The following RILPL2 variants were observed in gnomAD, a reference collection of about 807,000 sequenced individuals.
RILPL2 encodes the protein Rab interacting lysosomal protein like 2, also known as RILP-like protein 2.
In RILPL2, 19 loss-of-function variants were observed where a neutral mutation model predicts 22.2. The ratio of observed to expected loss-of-function variants is 0.86; its 90% CI spans 0.60 to 1.25. RILPL2 has a LOEUF of 1.25. Ranked by LOEUF, RILPL2 falls within the 50% of genes most tolerant of loss-of-function variation. The pLI, the probability that RILPL2 is intolerant of heterozygous loss-of-function variation, is 0.00. For synonymous variants in RILPL2, 123 were observed against 111.6 expected, an observed-to-expected ratio of 1.10 and a Z score of -0.64; for missense variants, 243 against 263.6, an observed-to-expected ratio of 0.92 and a Z score of 0.54.
chr12:123,426,953 A>C (rs1255028833), intron 2 of RILPL2, among the ~76,000 whole-genome samples: 23 of 132,414 alleles, frequency 1.7e-4, no homozygotes, highest in African/African-American at 6.6e-4. Context: ...ATCAGATCTC[A>C]CTGTGTTGCC....
At position 123,415,424 on chromosome 12, in the gene RILPL2, C is replaced by G. The variant is rs1262437095; in HGVS notation, c.*467G>C. ...AAATCATTTTACTTTAATACAAAAT[C>G]ACATAAAGAAAGGCATGTTGGCTAA... On this transcript the variant is annotated 3_prime_UTR_variant, in exon 4 of 4. Coordinates refer to ENST00000280571, the MANE Select transcript of RILPL2 (RefSeq NM_145058.3). 5.9e-6 allele frequency: 1 copy of G among 169,954 alleles called. No individual in the cohort carries two copies. Among genetic ancestry groups the G allele is most frequent in the Non-Finnish European group, 1.3e-5 (1 of 78,396 alleles). 10.5% of individuals were successfully genotyped at this position (169,954 alleles called of 1,614,324 possible).
At position 123,423,202 on chromosome 12, in the gene RILPL2, C is replaced by CT. The variant is rs1555259803; in HGVS notation, c.492-46_492-45insA. 5.4e-4 allele frequency: 464 copies of CT among 862,586 alleles called. 3 individuals carry two copies. In the East Asian group the frequency reaches 8.8e-3, roughly 16 times the overall value. The allele number at this position is 862,586 out of a possible 1,614,324, so 53.4% of individuals were successfully genotyped here. ...ATAAATGGATTATTTTATTACAGATCGTTTTTTTTTTTTTTTTGAGTTGGA... is the reference window on the plus strand; with the variant it reads ...ATAAATGGATTATTTTATTACAGATCTGTTTTTTTTTTTTTTTTGAGTTGGA... On this transcript the variant is annotated intron_variant, in intron 2 of 3. Coordinates refer to ENST00000280571, the MANE Select transcript of RILPL2 (RefSeq NM_145058.3).
At position 123,415,812 on chromosome 12, in the gene RILPL2, A is replaced by C; in HGVS notation, c.*79T>G. The C allele has an allele frequency of 7.3e-7, 1 of 1,360,984 alleles. No homozygotes were observed. Among genetic ancestry groups the C allele is most frequent in the South Asian group, 1.2e-5 (1 of 86,030 alleles). 84.3% of individuals were successfully genotyped at this position (1,360,984 alleles called of 1,614,324 possible). A position where few individuals can be genotyped will look rare whatever the true frequency, so the allele number is the denominator to read the frequency against. ...CACAGGCCTAGTGTGTCTGTGTGGC[A>C]CAGGGAGGTGGTTTTGCCAGGCATC... On this transcript the variant is annotated 3_prime_UTR_variant, in exon 4 of 4. Transcript: ENST00000280571.
intron 3 of RILPL2, among the ~76,000 whole-genome samples, chr12:123,421,114 C>T (rs1218278873): frequency 1.3e-5 from 2 of 151,624 alleles, no homozygotes; most frequent in Non-Finnish European, 2.9e-5. Flanking sequence ...ACCATCTCGG[C>T]TCACCTCAAC....
At position 123,430,585 on chromosome 12, in the gene RILPL2, T is replaced by G; in HGVS notation, c.414A>C (p.Leu138=). Residue 138 remains leucine (L), a synonymous_variant, in exon 2 of 4, where the codon CTA becomes CTC. Coordinates refer to ENST00000280571, the MANE Select transcript of RILPL2 (RefSeq NM_145058.3). ...TGTTGCGTTCCTGCAGCACATCCCT[T>G]AGCTCCTGCAGAGTGAAGCGGGGTC... ...PNRPRFTLQE[L]RDVLQERNKL... 6.2e-7 allele frequency: 1 copy of G among 1,612,994 alleles called. No homozygotes were observed. The highest frequency in any genetic ancestry group is 8.5e-7 in the Non-Finnish European group (1 of 1,179,266).
intron 1 of RILPL2, among the ~76,000 whole-genome samples, chr12:123,431,467 C>T (rs1010235886): frequency 6.6e-6 from 1 of 151,976 alleles, no homozygotes; most frequent in African/African-American, 2.4e-5. Context: ...GTTCTGGAGA[C>T]GGATGGTGGT....
In RILPL2 at chr12:123,436,642, C is replaced by G. The variant is rs1879816584; in HGVS notation, c.-222G>C. ...CCGCTGCCAGCCACGCTGGAGAGTG[C>G]GCTCCAGGATGTGGTTTGGGGCGCG... On this transcript the variant is annotated 5_prime_UTR_variant, in exon 1 of 4. Transcript: ENST00000280571. This position sits in a 1 kb window ranked among gnomAD's most constrained non-coding sequence, Gnocchi z 6.7. The G allele has an allele frequency of 8.4e-6, 6 of 711,812 alleles. No individual in the cohort carries two copies. The South Asian group carries it at 1.0e-4, about 12-fold the overall frequency. 44.1% of individuals were successfully genotyped at this position (711,812 alleles called of 1,614,324 possible). A position where few individuals can be genotyped will look rare whatever the true frequency, so the allele number is the denominator to read the frequency against.
chr12:123,427,180 T>C (rs1054518381), intron 2 of RILPL2, among the ~76,000 whole-genome samples: 2 of 152,152 alleles, frequency 1.3e-5, no homozygotes, highest in East Asian at 1.9e-4. Context: ...CAGTGGGCCA[T>C]TGGCGGAGGG....
At chr12:123,425,248 C>G (rs948778765) in intron 2 of RILPL2, among the ~76,000 whole-genome samples, 1 of 151,982 alleles carries the variant, frequency 6.6e-6, no homozygotes, top group African/African-American at 2.4e-5. Context: ...GCAATCTCAA[C>G]TTGCTGCAAC....
intron 2 of RILPL2, among the ~76,000 whole-genome samples, chr12:123,427,029 C>T (rs1416740927): frequency 6.6e-6 from 1 of 151,430 alleles, no homozygotes; most frequent in Non-Finnish European, 1.5e-5. Flanking sequence ...AATTCCTAGT[C>T]TCGTGGGATC....
chr12:123,436,050 C>T lies in RILPL2; in HGVS notation c.339+32G>A, dbSNP rs1221875934. 2 of 1,546,164 alleles carry T rather than the reference C, an allele frequency of 1.3e-6. No homozygotes were observed. The highest frequency in any genetic ancestry group is 1.2e-5 in the South Asian group (1 of 84,664). ...GTGCCCTCCTACGCCCCGCAGGCGC[C>T]GTGGGCCCGGAACCCTCGCTCCCAC... On this transcript the variant is annotated intron_variant, in intron 1 of 3. Coordinates refer to ENST00000280571, the MANE Select transcript of RILPL2 (RefSeq NM_145058.3). This position sits in a 1 kb window ranked among gnomAD's most constrained non-coding sequence, Gnocchi z 6.7.
chr12:123,435,711 C>G (rs1290122327), intron 1 of RILPL2, among the ~76,000 whole-genome samples: 1 of 152,106 alleles, frequency 6.6e-6, no homozygotes, highest in African/African-American at 2.4e-5. Context: ...TGCACTCTAG[C>G]CTGGGAGATA....
At chr12:123,431,654 T>A (rs1879654813) in intron 1 of RILPL2, among the ~76,000 whole-genome samples, 1 of 151,698 alleles carries the variant, frequency 6.6e-6, no homozygotes, top group Admixed American at 6.6e-5. Flanking sequence ...AAACCCCGTC[T>A]CTACTAAAAA....
At chr12:123,417,070 G>T (rs182830382) in intron 3 of RILPL2, among the ~76,000 whole-genome samples, 1 of 152,070 alleles carries the variant, frequency 6.6e-6, no homozygotes, top group Non-Finnish European at 1.5e-5. Context: ...AGGCTGAGGC[G>T]GGCGGATTGC....
At chr12:123,410,996 T>G (rs1165872376), downstream of RILPL2, 4 of 152,182 alleles carry the variant, frequency 2.6e-5, no homozygotes, top group African/African-American at 9.7e-5. Flanking sequence ...GGGCTGTGAT[T>G]ACAGGCATGC....
intron 2 of RILPL2, among the ~76,000 whole-genome samples, chr12:123,427,834 C>T (rs914259201): frequency 1.2e-4 from 19 of 152,164 alleles, no homozygotes; most frequent in Non-Finnish European, 2.6e-4. Context: ...TGTGAGCCAC[C>T]TCAACCAGCT....
chr12:123,415,963 C>T lies in RILPL2; in HGVS notation c.606-42G>A, dbSNP rs766505910. ...GAGGGTTCAGGGTAAGCAGAAGGAA[C>T]AAAGCAAGGGGCACAGCAACCCCCG... On this transcript the variant is annotated intron_variant, in intron 3 of 3. Transcript: ENST00000280571. 6 of 1,608,734 alleles carry T rather than the reference C, an allele frequency of 3.7e-6. No individual in the cohort carries two copies. The East Asian group carries it at 6.7e-5, about 18-fold the overall frequency.
At chr12:123,420,639 G>A (rs1291626958) in intron 3 of RILPL2, among the ~76,000 whole-genome samples, 2 of 150,996 alleles carry the variant, frequency 1.3e-5, no homozygotes, top group African/African-American at 4.9e-5. Flanking sequence ...GCTTCACCAT[G>A]TTGGCTAGGC....
intron 3 of RILPL2, among the ~76,000 whole-genome samples, chr12:123,421,318 T>C (rs1879276477): frequency 6.6e-6 from 1 of 152,148 alleles, no homozygotes; most frequent in South Asian, 2.1e-4. Context: ...ATTACAGGTG[T>C]AAGCCACTGC....
Sources: allele counts gnomAD v4.1 joint callset (sites outside exome capture counted in the v4.1 genomes callset), GRCh38; gene constraint gnomAD v4.1.1; non-coding constraint Gnocchi (gnomAD v3.1); transcripts MANE v1.5; gene names NCBI Gene and HGNC (gene_info 2026-07-23, HGNC 2026-07-21).